The following CACNA2D4 variants were observed in gnomAD, a reference collection of about 807,000 sequenced individuals.
CACNA2D4 encodes calcium voltage-gated channel auxiliary subunit alpha2delta 4.
In CACNA2D4, 157 loss-of-function variants were observed where a neutral mutation model predicts 163.8. That is an observed-to-expected ratio of 0.96 (90% CI 0.84 to 1.09). The LOEUF (loss-of-function observed/expected upper bound fraction) is 1.09, where lower values mean the gene tolerates loss of function less well. Among genes scored for constraint, CACNA2D4 ranks in the 50% least tolerant of loss-of-function variants. The probability of loss-of-function intolerance (pLI) is 0.00; values close to 1 mark genes in which losing one functional copy is unlikely to be tolerated. For synonymous variants in CACNA2D4, 598 were observed against 586.9 expected (o/e 1.02, Z -0.27); for missense variants, 1,410 against 1,479.9 (o/e 0.95, Z 0.78).
intron 1 of CACNA2D4, among the ~76,000 whole-genome samples, chr12:1,915,380 G>A (rs1866946987): frequency 6.6e-6 from 1 of 152,194 alleles, no homozygotes; most frequent in Admixed American, 6.5e-5. Context: ...GCCTCTGGTT[G>A]GAGAGTGGCA....
At chr12:1,839,729 C>G (rs1864970183) in intron 26 of CACNA2D4, among the ~76,000 whole-genome samples, 1 of 152,318 alleles carries the variant, frequency 6.6e-6, no homozygotes. Context: ...GTTCGAGTCA[C>G]AGTCCCACTT....
intron 25 of CACNA2D4, among the ~76,000 whole-genome samples, chr12:1,842,763 C>T (rs1865056313): frequency 6.6e-6 from 1 of 152,198 alleles, no homozygotes; most frequent in Non-Finnish European, 1.5e-5. Context: ...CCTGTGGGTG[C>T]CCTCCCTGGG....
intron 4 of CACNA2D4, 96 bp from the exon 5 acceptor site, chr12:1,908,133 CCGGGGCCG>C: frequency 1.6e-6 from 2 of 1,282,640 alleles, no homozygotes; most frequent in Non-Finnish European, 1.1e-6. Flanking sequence ...GACGAGAGGG[CCGGGGCCG>C]GGCGGCCATC....
At chr12:1,877,643 T>C (rs1236202268) in intron 16 of CACNA2D4, among the ~76,000 whole-genome samples, 2 of 152,204 alleles carry the variant, frequency 1.3e-5, no homozygotes, top group Non-Finnish European at 2.9e-5. Flanking sequence ...GTCTGTCCTC[T>C]GTTGCCATCT....
At chr12:1,886,614 G>A (rs903718544) in intron 7 of CACNA2D4, among the ~76,000 whole-genome samples, 2 of 152,128 alleles carry the variant, frequency 1.3e-5, no homozygotes, top group Admixed American at 1.3e-4. Flanking sequence ...TGGAGGTAAC[G>A]CTTGTTCCTT....
chr12:1,870,741 A>T (rs1275714600), intron 18 of CACNA2D4, among the ~76,000 whole-genome samples: 6 of 151,924 alleles, frequency 3.9e-5, no homozygotes, highest in Non-Finnish European at 7.4e-5. Context: ...TAAAAGGAAG[A>T]GAGAAGGGGT....
At chr12:1,831,747 A>ACCCCCCCCCCCCCCCCCCCTCCC (rs1555178968) in intron 26 of CACNA2D4, among the ~76,000 whole-genome samples, 1 of 114,312 alleles carries the variant, frequency 8.7e-6, no homozygotes, top group Non-Finnish European at 1.8e-5. Flanking sequence ...TGCTCCCTCC[A>ACCCCCCCCCCCCCCCCCCCTCCC]CCCCCACCCT....
chr12:1,862,450 T>C (rs941732390), intron 18 of CACNA2D4, among the ~76,000 whole-genome samples: 6 of 152,212 alleles, frequency 3.9e-5, no homozygotes, highest in Non-Finnish European at 8.8e-5. Flanking sequence ...TGTTTTGTTT[T>C]GTTTTGACAG....
At chr12:1,831,153 C>A in intron 26 of CACNA2D4, 1 of 1,613,964 alleles carries the variant, frequency 6.2e-7, no homozygotes, top group East Asian at 2.2e-5. Flanking sequence ...CAGCCTGCAG[C>A]GGTTGGACCT....
chr12:1,837,075 T>G (rs950491619), intron 26 of CACNA2D4, among the ~76,000 whole-genome samples: 3 of 151,952 alleles, frequency 2.0e-5, no homozygotes, highest in Admixed American at 2.0e-4. Flanking sequence ...ACACCGAGGT[T>G]GTGGTGCGAA....
chr12:1,899,031 C>G (rs1289996980), intron 6 of CACNA2D4, among the ~76,000 whole-genome samples: 1 of 151,978 alleles, frequency 6.6e-6, no homozygotes, highest in Non-Finnish European at 1.5e-5. Flanking sequence ...TGAGAATGCA[C>G]TTATTATCAG....
intron 6 of CACNA2D4, among the ~76,000 whole-genome samples, chr12:1,895,465 T>G (rs1866381367): frequency 6.6e-6 from 1 of 151,990 alleles, no homozygotes; most frequent in Non-Finnish European, 1.5e-5. Context: ...AAAACAAAGC[T>G]GGAGGCATCA....
Position 1,828,167 on chromosome 12 carries a change from A to G in CACNA2D4, c.2551+12572T>C. 6.5e-7 allele frequency: 1 copy of G among 1,544,380 alleles called. No individual in the cohort carries two copies. The highest frequency in any genetic ancestry group is 1.4e-5 in the African/African-American group (1 of 72,856). ...CCTCACCATGCTGGCGCCGGGCAGC[A>G]GCCCTGGGCAGAGGGGCAGGCTCGC... On this transcript the variant is annotated intron_variant, in intron 26 of 37. Transcript: ENST00000382722. The surrounding 1 kb of genome is among the most constrained non-coding windows in gnomAD (Gnocchi z 4.2).
In CACNA2D4 at chr12:1,907,473, C is replaced by G. The variant is rs373534759; in HGVS notation, c.748G>C (p.Gly250Arg). The G allele has an allele frequency of 1.9e-4, 309 of 1,613,830 alleles. No individual in the cohort carries two copies. Among genetic ancestry groups the G allele is most frequent in the Admixed American group, 2.7e-4 (16 of 60,006 alleles). ...ATCCTGAAGAATCCAGTTGCACTGC[C>G]AAAATATTGCCAGGTCAACGTTGGG... ...RDPTLTWQYF[G>R]SATGFFRIYP... The change falls in exon 6 of 38, where the codon GGC (glycine) becomes CGC (arginine). Residue 250 changes from glycine to arginine, a missense_variant. Gly to Arg is a moderately radical substitution (Grantham distance 125). Transcript: ENST00000382722.
chr12:1,887,767 T>C (rs1866183909), intron 6 of CACNA2D4, among the ~76,000 whole-genome samples: 1 of 152,150 alleles, frequency 6.6e-6, no homozygotes, highest in African/African-American at 2.4e-5. Flanking sequence ...GAAAAGACTT[T>C]ATGATTGGGA....
chr12:1,900,940 C>T (rs1270305844), intron 6 of CACNA2D4, among the ~76,000 whole-genome samples: 2 of 152,066 alleles, frequency 1.3e-5, no homozygotes, highest in Non-Finnish European at 2.9e-5. Context: ...GGATAGAGTA[C>T]ATTTAGGCCA....
intron 6 of CACNA2D4, among the ~76,000 whole-genome samples, chr12:1,900,904 AT>A (rs1866522082): frequency 6.6e-6 from 1 of 152,196 alleles, no homozygotes. Context: ...AATACAAATT[AT>A]TTTTAGCACA....
chr12:1,794,454 G>A (rs1387442831), intron 37 of CACNA2D4, among the ~76,000 whole-genome samples: 2 of 152,170 alleles, frequency 1.3e-5, no homozygotes, highest in Non-Finnish European at 2.9e-5. Flanking sequence ...ATTAGAGCTC[G>A]CAAGTTACAG....
chr12:1,909,284 C>T (rs1318737291), intron 4 of CACNA2D4, among the ~76,000 whole-genome samples: 4 of 152,212 alleles, frequency 2.6e-5, no homozygotes, highest in Admixed American at 2.0e-4. Context: ...CTCCGCCTCC[C>T]GGGTTCACGC....
Sources: allele counts gnomAD v4.1 joint callset (sites outside exome capture counted in the v4.1 genomes callset), GRCh38; gene constraint gnomAD v4.1.1; non-coding constraint Gnocchi (gnomAD v3.1); transcripts MANE v1.5; gene names NCBI Gene and HGNC (gene_info 2026-07-23, HGNC 2026-07-21).